TAFA2: variants seen among roughly 807,000 people sequenced by gnomAD.
TAFA2 encodes the protein TAFA chemokine like family member 2.
In TAFA2, 7 loss-of-function variants were observed where a neutral mutation model predicts 18.8. The ratio of observed to expected loss-of-function variants is 0.37; its 90% CI spans 0.21 to 0.70. TAFA2 has a LOEUF of 0.70. Ranked by LOEUF, TAFA2 falls within the 30% of genes least tolerant of loss-of-function variation. TAFA2 has a pLI of 0.53. For synonymous variants in TAFA2, 60 were observed against 54.2 expected, an observed-to-expected ratio of 1.11 and a Z score of -0.47; for missense variants, 122 against 158.1, an observed-to-expected ratio of 0.77 and a Z score of 1.23.
At chr12:61,808,615 G>C (rs1349670123) in intron 2 of TAFA2, among the ~76,000 whole-genome samples, 1 of 151,370 alleles carries the variant, frequency 6.6e-6, no homozygotes, top group African/African-American at 2.5e-5. Flanking sequence ...TAGTTTAGCA[G>C]GAAGTTACGG....
intron 1 of TAFA2, among the ~76,000 whole-genome samples, chr12:62,173,536 T>G (rs1336000737): frequency 2.6e-5 from 4 of 152,216 alleles, no homozygotes; most frequent in African/African-American, 4.8e-5. Flanking sequence ...TATGGTTTCA[T>G]CTTTCTAGGA....
intron 1 of TAFA2, among the ~76,000 whole-genome samples, chr12:61,877,612 T>C (rs1874912115): frequency 6.6e-6 from 1 of 152,160 alleles, no homozygotes; most frequent in African/African-American, 2.4e-5. Context: ...CGTCATTTCA[T>C]ATTGGCTTAA....
chr12:62,118,312 C>G (rs1870047900), intron 1 of TAFA2, among the ~76,000 whole-genome samples: 1 of 152,038 alleles, frequency 6.6e-6, no homozygotes, highest in Admixed American at 6.6e-5. Flanking sequence ...TGCTGTACTT[C>G]ATTCATTTTA....
At chr12:61,869,416 G>A (rs758294239) in intron 1 of TAFA2, among the ~76,000 whole-genome samples, 11 of 152,106 alleles carry the variant, frequency 7.2e-5, no homozygotes, top group Non-Finnish European at 1.5e-4. Context: ...ATAAACGCTA[G>A]CCATTACTGT....
intron 2 of TAFA2, among the ~76,000 whole-genome samples, chr12:61,861,924 A>G (rs12831273): frequency 0.28 from 42,903 of 152,192 alleles, 6,603 homozygotes; most frequent in South Asian, 0.4. Context: ...ATTACAATGA[A>G]GATAACATAT....
chr12:62,182,248 C>T (rs1920085), intron 1 of TAFA2, among the ~76,000 whole-genome samples: 74,023 of 151,922 alleles, frequency 0.49, 19,120 homozygotes, highest in East Asian at 0.69. Flanking sequence ...TTCTAATTTA[C>T]GTATTGGAGG....
intron 2 of TAFA2, among the ~76,000 whole-genome samples, chr12:61,806,753 G>A (rs1352766364): frequency 1.3e-5 from 2 of 152,234 alleles, no homozygotes; most frequent in Non-Finnish European, 2.9e-5. Context: ...TTGGGAACTG[G>A]AGCAAAGGTG....
chr12:62,113,123 AT>A (rs1293418332), intron 1 of TAFA2, among the ~76,000 whole-genome samples: 1 of 152,028 alleles, frequency 6.6e-6, no homozygotes, highest in Non-Finnish European at 1.5e-5. Context: ...GTGAATTTAT[AT>A]ACCTTTGTTC....
chr12:61,796,423 A>G (rs901504459), intron 2 of TAFA2, among the ~76,000 whole-genome samples: 5 of 152,150 alleles, frequency 3.3e-5, no homozygotes, highest in African/African-American at 4.8e-5. Context: ...ACAGATTCAG[A>G]GTGTATATTG....
intron 2 of TAFA2, among the ~76,000 whole-genome samples, chr12:61,845,797 A>G (rs1316841506): frequency 6.6e-6 from 1 of 152,142 alleles, no homozygotes; most frequent in East Asian, 1.9e-4. Flanking sequence ...TTTTGTTACT[A>G]ACACTCATAT....
At chr12:61,857,369 C>A (rs952154205) in intron 2 of TAFA2, among the ~76,000 whole-genome samples, 3 of 152,004 alleles carry the variant, frequency 2.0e-5, no homozygotes, top group Non-Finnish European at 4.4e-5. Flanking sequence ...TAAGGATATT[C>A]AATTTAATTT....
At chr12:62,240,928 C>T (rs1019358429) in intron 1 of TAFA2, among the ~76,000 whole-genome samples, 1 of 152,060 alleles carries the variant, frequency 6.6e-6, no homozygotes, top group Non-Finnish European at 1.5e-5. Flanking sequence ...AATCTAATGC[C>T]TGATGATTTG....
At chr12:61,941,260 C>T (rs851914) in intron 1 of TAFA2, among the ~76,000 whole-genome samples, 6,180 of 152,122 alleles carry the variant, frequency 0.041, 220 homozygotes, top group African/African-American at 0.1. Flanking sequence ...AAAGTATTTT[C>T]GATATGTTAG....
At chr12:61,792,755 T>C (rs1479032236) in intron 2 of TAFA2, among the ~76,000 whole-genome samples, 1 of 151,314 alleles carries the variant, frequency 6.6e-6, no homozygotes, top group African/African-American at 2.4e-5. Flanking sequence ...TTAAGCATTA[T>C]GCATAATAAC....
chr12:61,995,079 C>T (rs1487985772), intron 1 of TAFA2, among the ~76,000 whole-genome samples: 7 of 152,210 alleles, frequency 4.6e-5, no homozygotes, highest in Non-Finnish European at 8.8e-5. Context: ...TCTACTGTGT[C>T]ATACTCTCAG....
chr12:62,249,133 T>A (rs904615180), intron 1 of TAFA2, among the ~76,000 whole-genome samples: 6 of 152,072 alleles, frequency 3.9e-5, no homozygotes, highest in Admixed American at 2.0e-4. Flanking sequence ...TTACCACACA[T>A]TGCACAATGT....
chr12:62,144,575 A>G (rs567547209), intron 1 of TAFA2, among the ~76,000 whole-genome samples: 52 of 152,354 alleles, frequency 3.4e-4, no homozygotes, highest in Non-Finnish European at 6.0e-4. Flanking sequence ...AAGCAGCCAC[A>G]GAGCAACTCT....
rs1329174334 is a variant in TAFA2, at chr12:62,165,929, TCTCTCTCTCTCACA to T, written c.-2+25316_-2+25329del. Among the ~76,000 whole-genome samples the T allele has an allele frequency of 1.4e-3, 164 of 120,414 alleles. 2 individuals carry two copies. The highest frequency in any genetic ancestry group is 5.1e-3 in the African/African-American group (156 of 30,844). 79.0% of individuals were successfully genotyped at this position (120,414 alleles called of 152,430 possible). Reference sequence around the variant, plus strand: ...CTCTCTCTCTCTCTTCCTCTCTCTCTCTCTCTCTCTCACACACACACACACACACACACACACAC... The same window carrying T: ...CTCTCTCTCTCTCTTCCTCTCTCTCTCACACACACACACACACACACACAC... On this transcript the variant is annotated intron_variant, in intron 1 of 4. Transcript: ENST00000416284.
intron 1 of TAFA2, among the ~76,000 whole-genome samples, chr12:61,979,468 T>C (rs1879553993): frequency 1.3e-5 from 2 of 152,108 alleles, no homozygotes; most frequent in Admixed American, 6.6e-5. Flanking sequence ...GAAATGGCAG[T>C]TCATCTACTG....
Sources: gnomAD v4.1 joint callset for allele counts (sites outside exome capture counted in the v4.1 genomes callset) on GRCh38, gnomAD v4.1.1 for gene constraint, MANE v1.5 for transcripts, NCBI Gene and HGNC (gene_info 2026-07-23, HGNC 2026-07-21) for gene names.